ZSCAN2: variants seen among roughly 807,000 people sequenced by gnomAD.
The protein encoded by ZSCAN2 is zinc finger and SCAN domain containing 2, also known as zinc finger and SCAN domain-containing protein 2.
Under a neutral mutation model 47.8 loss-of-function variants are expected in ZSCAN2, and 26 were observed. The ratio of observed to expected loss-of-function variants is 0.54; its 90% CI spans 0.40 to 0.75. The LOEUF (loss-of-function observed/expected upper bound fraction) is 0.75. ZSCAN2 is among the 30% of genes least tolerant of loss of function. The pLI, the probability that ZSCAN2 is intolerant of heterozygous loss-of-function variation, is 0.00. For missense variants in ZSCAN2, 732 were observed against 785.4 expected, an observed-to-expected ratio of 0.93 and a Z score of 0.81; for synonymous variants, 305 against 288.7, an observed-to-expected ratio of 1.06 and a Z score of -0.57.
At chr15:84,605,597 G>T (rs1460878217) in intron 2 of ZSCAN2, among the ~76,000 whole-genome samples, 1 of 152,216 alleles carries the variant, frequency 6.6e-6, no homozygotes, top group East Asian at 1.9e-4. Flanking sequence ...TTTGGGGGAA[G>T]GGTGGGTGAG....
At chr15:84,606,637 G>GC in intron 2 of ZSCAN2, 1 of 1,605,304 alleles carries the variant, frequency 6.2e-7, no homozygotes, top group Non-Finnish European at 8.5e-7. Flanking sequence ...CTGAGGAGAG[G>GC]CCTCAGGTTG....
intron 2 of ZSCAN2, among the ~76,000 whole-genome samples, chr15:84,618,728 A>AT (rs1480696132): frequency 6.6e-6 from 1 of 151,500 alleles, no homozygotes; most frequent in East Asian, 2.0e-4. Context: ...TGCCCAGCTA[A>AT]TTTTTTTGTA....
chr15:84,609,215 C>G (rs1401558299), intron 2 of ZSCAN2, among the ~76,000 whole-genome samples: 3 of 150,106 alleles, frequency 2.0e-5, no homozygotes, highest in Non-Finnish European at 2.9e-5. Context: ...CTTTTTAAAG[C>G]TACAATTCTT....
At chr15:84,609,984 C>T (rs943442696) in intron 2 of ZSCAN2, among the ~76,000 whole-genome samples, 6 of 152,176 alleles carry the variant, frequency 3.9e-5, no homozygotes, top group Admixed American at 2.6e-4. Context: ...TGTGGCCAGG[C>T]GAGGACACGC....
chr15:84,606,514 C>A, intron 2 of ZSCAN2: 1 of 1,585,626 alleles, frequency 6.3e-7, no homozygotes. Context: ...GCAAACCTGT[C>A]TCCCTATTTT....
At position 84,622,222 on chromosome 15, in the gene ZSCAN2, A is replaced by G; in HGVS notation, c.*182A>G. The G allele has an allele frequency of 1.6e-6, 1 of 637,802 alleles. No individual in the cohort carries two copies. The highest frequency in any genetic ancestry group is 2.8e-6 in the Non-Finnish European group (1 of 360,804). The allele number at this position is 637,802 out of a possible 1,614,324, so 39.5% of individuals were successfully genotyped here. A position where few individuals can be genotyped will look rare whatever the true frequency, so the allele number is the denominator to read the frequency against. On this transcript the variant is annotated 3_prime_UTR_variant, in exon 3 of 3. Transcript: ENST00000546148. ...TTTAGTGGTCTGAGTCAAGTCCCGT[A>G]TACATTCAAGAACAGGGCATAGGCG...
chr15:84,613,981 C>CT (rs35815000), intron 2 of ZSCAN2, among the ~76,000 whole-genome samples: 3,149 of 52,286 alleles, frequency 0.06, 631 homozygotes, highest in Middle Eastern at 0.13. Flanking sequence ...CTCTTGGCCT[C>CT]TTTTTTTTTT....
chr15:84,602,216 G>C (rs1228568989), intron 1 of ZSCAN2: 1 of 152,090 alleles, frequency 6.6e-6, no homozygotes, highest in African/African-American at 2.4e-5. Flanking sequence ...CTGCCAAAGT[G>C]CTAGGATTAC....
chr15:84,611,919 T>C (rs571723957), intron 2 of ZSCAN2: 1 of 151,924 alleles, frequency 6.6e-6, no homozygotes. Flanking sequence ...AGTAAAAAAA[T>C]TTTTTTTTAA....
intron 2 of ZSCAN2, among the ~76,000 whole-genome samples, chr15:84,618,182 C>T (rs1895737689): frequency 6.6e-5 from 10 of 152,120 alleles, no homozygotes; most frequent in Admixed American, 6.5e-4. Flanking sequence ...CTATAAGAGG[C>T]CCAGGCGGGC....
At chr15:84,616,312 C>A in intron 2 of ZSCAN2, 1 of 1,416,130 alleles carries the variant, frequency 7.1e-7, no homozygotes, top group South Asian at 1.2e-5. Flanking sequence ...TTTCCAGAAA[C>A]AGCTTCCTGC....
Position 84,621,993 on chromosome 15 carries a change from A to C in ZSCAN2, c.1798A>C (p.Asn600His). ...TGGCAAAGGCTTCAGCAACAGCTCT[A>C]ACTTTATCACACATCAGAGAACTCA... ...ECGKGFSNSS[N>H]FITHQRTHMK... Residue 600 changes from asparagine (N) to histidine (H), a missense_variant, in exon 3 of 3, where the codon AAC becomes CAC. By Grantham distance (68) the Asn-to-His change is moderately conservative. Transcript: ENST00000546148. The surrounding 1 kb of genome is among the most constrained non-coding windows in gnomAD (Gnocchi z 5.7). The C allele has an allele frequency of 6.2e-7, 1 of 1,613,596 alleles. No individual in the cohort carries two copies. The highest frequency in any genetic ancestry group is 8.5e-7 in the Non-Finnish European group (1 of 1,179,656).
At chr15:84,610,704 C>G (rs1481373012) in intron 2 of ZSCAN2, among the ~76,000 whole-genome samples, 1 of 152,034 alleles carries the variant, frequency 6.6e-6, no homozygotes. Flanking sequence ...TCAGGCTGGT[C>G]TCAATCTCCT....
chr15:84,612,823 G>A (rs978008335), intron 2 of ZSCAN2, among the ~76,000 whole-genome samples: 1 of 152,152 alleles, frequency 6.6e-6, no homozygotes, highest in African/African-American at 2.4e-5. Context: ...TTCTTTGATT[G>A]TCTTGTATGT....
intron 2 of ZSCAN2, among the ~76,000 whole-genome samples, chr15:84,617,115 T>C: frequency 9.2e-6 from 1 of 108,786 alleles, no homozygotes. Context: ...AGAGCGAAAC[T>C]CTGTCTCAAA....
At chr15:84,609,114 C>T (rs1183856835) in intron 2 of ZSCAN2, among the ~76,000 whole-genome samples, 1 of 152,160 alleles carries the variant, frequency 6.6e-6, no homozygotes, top group African/African-American at 2.4e-5. Flanking sequence ...AGCTTGCTGC[C>T]CCAGCAAAAT....
intron 2 of ZSCAN2, chr15:84,612,003 A>C (rs1895564185): frequency 6.6e-6 from 1 of 152,180 alleles, no homozygotes; most frequent in African/African-American, 2.4e-5. Context: ...TCTGACCAAA[A>C]CCAGTTTCTG....
chr15:84,606,652 T>C, intron 2 of ZSCAN2: 1 of 1,600,318 alleles, frequency 6.2e-7, no homozygotes, highest in Non-Finnish European at 8.5e-7. Context: ...AGGTTGTTAT[T>C]TGGTTGGGGA....
rs761717307 is a variant in ZSCAN2, at chr15:84,620,677, C to G, written c.482C>G (p.Ser161Trp). Residue 161 changes from serine to tryptophan, a missense_variant, in exon 3 of 3, where the codon TCG (serine) becomes TGG (tryptophan). This residue lies in a region of ZSCAN2 where 320 missense variants were observed against 287.4 expected (regional missense o/e 1.11). Coordinates refer to ENST00000546148, the MANE Select transcript of ZSCAN2 (RefSeq NM_181877.4). Reference sequence around the variant, plus strand: ...GAGAATGAATCACGTAAGATATTCTCGGAAATGCCTGAAGGTGAAAGTGCT... The same window carrying G: ...GAGAATGAATCACGTAAGATATTCTGGGAAATGCCTGAAGGTGAAAGTGCT... ...MFENESRKIF[S>W]EMPEGESAQH... 15 of 1,614,148 alleles carry G rather than the reference C, an allele frequency of 9.3e-6. No homozygotes were observed. The highest frequency in any genetic ancestry group is 3.3e-4 in the Middle Eastern group (2 of 6,062).
Sources: allele counts gnomAD v4.1 joint callset (sites outside exome capture counted in the v4.1 genomes callset), GRCh38; gene constraint gnomAD v4.1.1; regional missense constraint gnomAD v4.1.1; non-coding constraint Gnocchi (gnomAD v3.1); transcripts MANE v1.5; gene names NCBI Gene and HGNC (gene_info 2026-07-23, HGNC 2026-07-21).